BRDT: variants seen among roughly 807,000 people sequenced by gnomAD.
BRDT encodes bromodomain testis associated.
In BRDT, 77 loss-of-function variants were observed where a neutral mutation model predicts 113.9. The ratio of observed to expected loss-of-function variants is 0.68; its 90% confidence interval spans 0.56 to 0.82. The LOEUF is 0.82. Ranked by LOEUF, BRDT falls within the 40% of genes least tolerant of loss-of-function variation. The pLI, the probability that BRDT is intolerant of heterozygous loss-of-function variation, is 0.00. For missense variants in BRDT, 1,027 were observed against 1,105.4 expected (o/e 0.93, Z 1.01); for synonymous variants, 358 against 366.5 (o/e 0.98, Z 0.26).
intron 12 of BRDT, among the ~76,000 whole-genome samples, chr1:91,987,780 T>C (rs1342296828): frequency 1.3e-5 from 2 of 152,210 alleles, no homozygotes; most frequent in Admixed American, 6.6e-5. Flanking sequence ...CTTTGATTGA[T>C]GATAGGTATT....
At chr1:91,957,952 G>A (rs1681975509) in intron 1 of BRDT, among the ~76,000 whole-genome samples, 1 of 152,034 alleles carries the variant, frequency 6.6e-6, no homozygotes, top group African/African-American at 2.4e-5. Context: ...CAATTCTTGT[G>A]CCTCAGCCTC....
At chr1:91,996,322 C>T (rs1328883090) in intron 15 of BRDT, among the ~76,000 whole-genome samples, 4 of 152,178 alleles carry the variant, frequency 2.6e-5, no homozygotes, top group South Asian at 2.1e-4. Flanking sequence ...AACCTCTGCT[C>T]ACCGCAACCT....
chr1:91,983,899 C>G (rs1029814050), intron 12 of BRDT, among the ~76,000 whole-genome samples: 1 of 152,076 alleles, frequency 6.6e-6, no homozygotes, highest in African/African-American at 2.4e-5. Flanking sequence ...CCAGGCTGGT[C>G]TTGAACTCCT....
At chr1:91,997,128 T>A (rs1332592332) in intron 15 of BRDT, among the ~76,000 whole-genome samples, 3 of 151,874 alleles carry the variant, frequency 2.0e-5, no homozygotes, top group East Asian at 1.9e-4. Context: ...ATTTTTTTTT[T>A]AGAAGGAAAT....
intron 4 of BRDT, among the ~76,000 whole-genome samples, chr1:91,973,615 C>T (rs1050824956): frequency 6.6e-5 from 10 of 152,078 alleles, no homozygotes; most frequent in East Asian, 1.9e-4. Context: ...TTGTGATTTT[C>T]ACACATTGAT....
intron 1 of BRDT, chr1:91,950,708 T>TTTTA (rs1553181942): frequency 2.0e-4 from 29 of 141,800 alleles, no homozygotes; most frequent in Admixed American, 2.8e-4. Context: ...TTTTTTTTTT[T>TTTTA]AATACAGATA....
rs768326718 is a variant in BRDT at position 92,006,322 on chromosome 1, AC to A, written c.2775+1025del. On this transcript the variant is annotated intron_variant, in intron 18 of 18. Transcript: ENST00000399546. ...CACTGAAATTTAAAATAGGCACTTCACCTTTTTATGACTAGCGTTGGCACAG... is the reference window on the plus strand; with the variant it reads ...CACTGAAATTTAAAATAGGCACTTCACTTTTTATGACTAGCGTTGGCACAG... Among the ~76,000 whole-genome samples the A allele has an allele frequency of 5.1e-4, 77 of 152,122 alleles. 1 individual carries two copies. The highest frequency in any genetic ancestry group is 1.5e-3 in the East Asian group (8 of 5,182).
In BRDT at chr1:91,998,368, C is replaced by T. The variant is rs534516979; in HGVS notation, c.2288-3681C>T. The stretch of plus-strand genomic sequence containing the variant: ...CTGGGGCCTGTTGGGGGATGGGGGG[C>T]TAGCAGAGGGGTAGCATTAGGAAAA... On this transcript the variant is annotated intron_variant, in intron 15 of 18. Coordinates refer to ENST00000399546, the MANE Select transcript of BRDT (RefSeq NM_207189.4). Among the ~76,000 whole-genome samples the T allele has an allele frequency of 3.8e-4, 58 of 152,006 alleles. 1 individual carries two copies. In the South Asian group the frequency reaches 9.4e-3, roughly 25 times the overall value.
chr1:91,966,791 C>T (rs1683106833), intron 3 of BRDT, among the ~76,000 whole-genome samples: 1 of 152,152 alleles, frequency 6.6e-6, no homozygotes. Context: ...AATATGTTGC[C>T]TGGGTGCGGT....
At chr1:91,989,167 A>G (rs61779159) in intron 12 of BRDT, among the ~76,000 whole-genome samples, 1 of 151,814 alleles carries the variant, frequency 6.6e-6, no homozygotes, top group South Asian at 2.1e-4. Context: ...GATGCCCTTG[A>G]ATTTTTTTTT....
At chr1:91,965,382 A>G (rs1682955757) in intron 3 of BRDT, among the ~76,000 whole-genome samples, 1 of 152,178 alleles carries the variant, frequency 6.6e-6, no homozygotes, top group South Asian at 2.1e-4. Flanking sequence ...GTTTCTGTGA[A>G]TAAGGTATTT....
At chr1:91,990,104 A>T (rs1055916510) in intron 12 of BRDT, among the ~76,000 whole-genome samples, 1 of 152,186 alleles carries the variant, frequency 6.6e-6, no homozygotes, top group Non-Finnish European at 1.5e-5. Context: ...TACCTTACTG[A>T]CCCAGGATTA....
At position 91,962,911 on chromosome 1, in the gene BRDT, C is replaced by T; in HGVS notation, c.157C>T (p.Gln53Ter). 6.2e-7 allele frequency: 1 copy of T among 1,610,454 alleles called. No homozygotes were observed. The highest frequency in any genetic ancestry group is 1.3e-5 in the African/African-American group (1 of 74,864). Residue 53 changes from glutamine to a stop codon, truncating the protein, a stop_gained, in exon 2 of 19, where the codon CAA (glutamine) becomes TAA (stop). Coordinates refer to ENST00000399546, the MANE Select transcript of BRDT (RefSeq NM_207189.4). LOFTEE classifies it high-confidence loss of function. The part of the protein sequence containing the change: ...LWKHSFSWPF[Q>*]RPVDAVKLQL... The stretch of plus-strand genomic sequence containing the variant: ...GAAGCATAGTTTTTCATGGCCCTTT[C>T]AACGTCCTGTGGATGCTGTGAAACT...
intron 4 of BRDT, among the ~76,000 whole-genome samples, chr1:91,973,283 A>G (rs946937399): frequency 4.6e-5 from 7 of 152,146 alleles, no homozygotes; most frequent in African/African-American, 1.2e-4. Flanking sequence ...TTAGTTCCAT[A>G]TGAACTTTAA....
chr1:92,003,181 G>A (rs1482947545), intron 16 of BRDT, among the ~76,000 whole-genome samples: 1 of 152,166 alleles, frequency 6.6e-6, no homozygotes, highest in Non-Finnish European at 1.5e-5. Context: ...AGGTCATTGT[G>A]TTGGGGACAG....
intron 15 of BRDT, among the ~76,000 whole-genome samples, chr1:92,001,654 C>T (rs4658123): frequency 0.7 from 106,563 of 151,550 alleles, 38,754 homozygotes; most frequent in Middle Eastern, 0.81. Flanking sequence ...CAAGATTGCA[C>T]CACTGTACTT....
At chr1:91,986,939 A>ATC (rs1557844440) in intron 12 of BRDT, among the ~76,000 whole-genome samples, 1 of 149,070 alleles carries the variant, frequency 6.7e-6, no homozygotes, top group Non-Finnish European at 1.5e-5. Flanking sequence ...ACTTTTATAA[A>ATC]TTCTTTTTTT....
intron 12 of BRDT, among the ~76,000 whole-genome samples, chr1:91,988,489 C>T (rs1306734396): frequency 6.6e-6 from 1 of 152,116 alleles, no homozygotes. Context: ...AAACCTCTGC[C>T]TCCCAGGTTC....
At position 91,977,377 on chromosome 1, in the gene BRDT, A is replaced by C. The variant is rs199521658; in HGVS notation, c.953A>C (p.Asp318Ala). ...NYYDVVKNPM[D>A]LGTIKEKMDN... is the part of the protein sequence containing the mutation. ...TATGACGTTGTCAAAAATCCGATGG[A>C]TCTTGGAACTATTAAGGTAAATGTT... The change falls in exon 6 of 19, where the codon GAT (aspartate) becomes GCT (alanine). Residue 318 changes from aspartate (D) to alanine (A), a missense_variant. By Grantham distance (126) the Asp-to-Ala change is moderately radical. Transcript: ENST00000399546. 1.9e-6 allele frequency: 3 copies of C among 1,583,502 alleles called. No homozygotes were observed. Among genetic ancestry groups the C allele is most frequent in the Non-Finnish European group, 2.6e-6 (3 of 1,166,528 alleles).
Sources: allele counts gnomAD v4.1 joint callset (sites outside exome capture counted in the v4.1 genomes callset), GRCh38; gene constraint gnomAD v4.1.1; transcripts MANE v1.5; gene names NCBI Gene and HGNC (gene_info 2026-07-23, HGNC 2026-07-21).